SETBP1: variants seen among roughly 807,000 people sequenced by gnomAD.
The protein encoded by SETBP1 is SET-binding protein.
In SETBP1, 9 loss-of-function variants were observed where a neutral mutation model predicts 101.0. The observed-to-expected ratio is 0.09, with a 90% CI of 0.05 to 0.16. The LOEUF is 0.16. Ranked by LOEUF, SETBP1 falls within the 10% of genes least tolerant of loss-of-function variation. SETBP1 has a pLI of 1.00. For synonymous variants in SETBP1, 818 were observed against 788.5 expected, an observed-to-expected ratio of 1.04 and a Z score of -0.63; for missense variants, 1,858 against 2,033.8, an observed-to-expected ratio of 0.91 and a Z score of 1.66.
chr18:44,737,152 C>G (rs996234758), intron 2 of SETBP1, among the ~76,000 whole-genome samples: 3 of 152,256 alleles, frequency 2.0e-5, no homozygotes, highest in African/African-American at 7.2e-5. Flanking sequence ...AACTCCTCAG[C>G]AGGCCTGGCT....
chr18:44,693,909 C>T (rs1304321678), intron 1 of SETBP1, among the ~76,000 whole-genome samples: 1 of 152,152 alleles, frequency 6.6e-6, no homozygotes, highest in Non-Finnish European at 1.5e-5. Flanking sequence ...AAGACTATAG[C>T]TCTCAGAAGA....
At chr18:44,841,972 C>T (rs141786148) in intron 2 of SETBP1, among the ~76,000 whole-genome samples, 49 of 152,338 alleles carry the variant, frequency 3.2e-4, no homozygotes, top group East Asian at 1.2e-3. Flanking sequence ...TGATTTAGTG[C>T]GACCTCACTT....
chr18:44,760,865 A>C (rs750660520), intron 2 of SETBP1, among the ~76,000 whole-genome samples: 3 of 152,214 alleles, frequency 2.0e-5, no homozygotes, highest in Admixed American at 1.3e-4. Flanking sequence ...ATACAAAAAG[A>C]AGGAAGGAAT....
At chr18:44,718,939 G>A (rs2069524861) in intron 2 of SETBP1, among the ~76,000 whole-genome samples, 1 of 152,158 alleles carries the variant, frequency 6.6e-6, no homozygotes, top group Non-Finnish European at 1.5e-5. Context: ...AATAGGGACA[G>A]TCTGTGCCTA....
chr18:44,710,409 A>G (rs2069311874), intron 2 of SETBP1, among the ~76,000 whole-genome samples: 1 of 151,744 alleles, frequency 6.6e-6, no homozygotes, highest in Non-Finnish European at 1.5e-5. Context: ...TTAAATATAG[A>G]AAATACACAG....
intron 3 of SETBP1, among the ~76,000 whole-genome samples, chr18:44,913,857 T>C (rs1316048383): frequency 6.6e-6 from 1 of 152,244 alleles, no homozygotes; most frequent in Non-Finnish European, 1.5e-5. Flanking sequence ...GTTCATTCCA[T>C]TTTTAGTTAC....
At chr18:45,029,444 G>C (rs1457010135) in intron 4 of SETBP1, among the ~76,000 whole-genome samples, 1 of 152,020 alleles carries the variant, frequency 6.6e-6, no homozygotes, top group East Asian at 1.9e-4. Flanking sequence ...GTCAGGTAGC[G>C]TGATGCCTCC....
Position 44,858,094 on chromosome 18 carries a change from A to C in SETBP1, c.487-11136A>C, listed in dbSNP as rs186087797. Among the ~76,000 whole-genome samples the C allele has an allele frequency of 5.9e-4, 90 of 152,324 alleles. 1 individual carries two copies. The highest frequency in any genetic ancestry group is 2.1e-3 in the African/African-American group (89 of 41,580). ...GGAGATTTTTAACAAAGGACGAGGA[A>C]GTATACATGCCAAGGAGCCAGACTT... On this transcript the variant is annotated intron_variant, in intron 2 of 5. Transcript: ENST00000649279.
At chr18:44,855,394 C>T (rs2144607753) in intron 2 of SETBP1, among the ~76,000 whole-genome samples, 1 of 152,218 alleles carries the variant, frequency 6.6e-6, no homozygotes, top group African/African-American at 2.4e-5. Flanking sequence ...TTCACATGAA[C>T]TCCGTGCAAA....
intron 3 of SETBP1, among the ~76,000 whole-genome samples, chr18:44,888,298 C>T (rs1207345647): frequency 1.3e-5 from 2 of 151,984 alleles, no homozygotes; most frequent in Non-Finnish European, 2.9e-5. Flanking sequence ...CCTGAAGGTC[C>T]CTTCTTAGCA....
chr18:44,777,167 A>G (rs898572614), intron 2 of SETBP1, among the ~76,000 whole-genome samples: 4 of 152,190 alleles, frequency 2.6e-5, no homozygotes, highest in Non-Finnish European at 4.4e-5. Context: ...AAATTAAAAA[A>G]TTAGCTGGAC....
At chr18:44,868,710 GGGAGGAAGGA>G (rs2069192942) in intron 2 of SETBP1, among the ~76,000 whole-genome samples, 259 of 6,828 alleles carry the variant, frequency 0.038, 15 homozygotes, top group Middle Eastern at 0.062. Flanking sequence ...ACGGAAGGAA[GGGAGGAAGGA>G]AGGAAGGAAG....
At chr18:44,943,832 TTTTTTTTC>T (rs1332108706) in intron 3 of SETBP1, among the ~76,000 whole-genome samples, 1 of 117,964 alleles carries the variant, frequency 8.5e-6, no homozygotes, top group Admixed American at 9.6e-5. Context: ...TCTTTTTTCT[TTTTTTTTC>T]TTTTTTTTTT....
At chr18:44,686,303 T>C (rs1370606834) in intron 1 of SETBP1, among the ~76,000 whole-genome samples, 7 of 152,262 alleles carry the variant, frequency 4.6e-5, no homozygotes, top group Non-Finnish European at 2.9e-5. Flanking sequence ...CCCAATTTTA[T>C]GCAATATGCC....
At chr18:44,897,453 G>A (rs1030837913) in intron 3 of SETBP1, among the ~76,000 whole-genome samples, 1 of 152,010 alleles carries the variant, frequency 6.6e-6, no homozygotes, top group East Asian at 1.9e-4. Flanking sequence ...TTAGCGACCC[G>A]GGCTGATGAG....
intron 3 of SETBP1, among the ~76,000 whole-genome samples, chr18:44,933,460 C>G (rs186268579): frequency 8.2e-4 from 125 of 152,344 alleles, no homozygotes; most frequent in Middle Eastern, 6.8e-3. Flanking sequence ...GCTGGAAGAA[C>G]CACTCCTCTC....
At chr18:44,846,397 A>G (rs1242538265) in intron 2 of SETBP1, among the ~76,000 whole-genome samples, 2 of 152,262 alleles carry the variant, frequency 1.3e-5, no homozygotes, top group East Asian at 1.9e-4. Context: ...CCCCAAAAGA[A>G]ACTCATACTC....
At chr18:44,890,765 C>G (rs117173497) in intron 3 of SETBP1, among the ~76,000 whole-genome samples, 4,877 of 152,158 alleles carry the variant, frequency 0.032, 93 homozygotes, top group Non-Finnish European at 0.047. Context: ...CCTGCAACCT[C>G]ATGAAGGCAG....
chr18:44,981,233 A>T (rs1049717484), intron 4 of SETBP1, among the ~76,000 whole-genome samples: 5 of 152,158 alleles, frequency 3.3e-5, no homozygotes, highest in Non-Finnish European at 7.3e-5. Flanking sequence ...CAGCCAGCTC[A>T]CTTGCCCCGA....
Sources: gnomAD v4.1 joint callset for allele counts (sites outside exome capture counted in the v4.1 genomes callset) on GRCh38, gnomAD v4.1.1 for gene constraint, MANE v1.5 for transcripts, NCBI Gene and HGNC (gene_info 2026-07-23, HGNC 2026-07-21) for gene names.